The following IPCEF1 variants were observed in gnomAD, a reference collection of about 807,000 sequenced individuals.
IPCEF1 encodes the protein interaction protein for cytohesin exchange factors 1.
IPCEF1 carries 31 observed loss-of-function variants against 50.9 expected under a neutral mutation model. The observed-to-expected ratio is 0.61, with a 90% confidence interval of 0.46 to 0.82. The LOEUF is 0.82. IPCEF1 is among the 40% of genes least tolerant of loss of function. The probability of loss-of-function intolerance (pLI) is 0.00; values close to 1 mark genes in which losing one functional copy is unlikely to be tolerated. For synonymous variants in IPCEF1, 181 were observed against 192.0 expected (o/e 0.94, Z 0.47); for missense variants, 458 against 514.0 (o/e 0.89, Z 1.05).
chr6:154,328,853 A>G (rs1176015418), intron 1 of IPCEF1, among the ~76,000 whole-genome samples: 2 of 152,318 alleles, frequency 1.3e-5, no homozygotes, highest in East Asian at 3.9e-4. Flanking sequence ...GAAGCATTCG[A>G]TGTTATTGCT....
At chr6:154,277,356 T>C (rs759831722) in intron 2 of IPCEF1, among the ~76,000 whole-genome samples, 10 of 152,218 alleles carry the variant, frequency 6.6e-5, no homozygotes, top group Non-Finnish European at 1.5e-4. Context: ...CCATCCCAAA[T>C]TGAGATATTT....
intron 8 of IPCEF1, 95 bp downstream of exon 8, chr6:154,214,123 C>A: frequency 1.2e-6 from 1 of 824,178 alleles, no homozygotes; most frequent in South Asian, 1.4e-5. Flanking sequence ...TCCTCAGGAT[C>A]AGACTATACA....
chr6:154,240,110 C>G (rs912215915), intron 5 of IPCEF1, among the ~76,000 whole-genome samples: 1 of 152,206 alleles, frequency 6.6e-6, no homozygotes, highest in African/African-American at 2.4e-5. Flanking sequence ...GCCCATAATT[C>G]TCATTTTGGT....
rs776647715 is a variant in IPCEF1, at chr6:154,247,488, G to A, written c.37C>T (p.Gln13Ter). 6.2e-7 allele frequency: 1 copy of A among 1,611,282 alleles called. No homozygotes were observed. The change falls in exon 4 of 12, where the codon CAG becomes TAG. Residue 13 changes from glutamine (Q) to a stop codon, truncating the protein, a stop_gained and splice_region_variant. Coordinates refer to ENST00000367220, the MANE Select transcript of IPCEF1 (RefSeq NM_001130700.2). LOFTEE classifies it high-confidence loss of function. ...CTGGGCTTCTGACGCAAGGGAACCTGCTGAAAATGCAGGAAGGAAAGAAAA... is the reference window on the plus strand; with the variant it reads ...CTGGGCTTCTGACGCAAGGGAACCTACTGAAAATGCAGGAAGGAAAGAAAA... ...SYMAIDGSAL[Q>*]VPLRQKPRRK... is the part of the protein sequence containing the mutation.
chr6:154,316,883 T>C (rs565035559), intron 1 of IPCEF1, among the ~76,000 whole-genome samples: 2 of 152,314 alleles, frequency 1.3e-5, no homozygotes, highest in South Asian at 2.1e-4. Flanking sequence ...TACAATTTTC[T>C]CAATTAAAAT....
intron 8 of IPCEF1, 79 bp downstream of exon 8, chr6:154,214,139 C>T (rs538962810): frequency 2.1e-6 from 2 of 931,464 alleles, no homozygotes; most frequent in African/African-American, 1.6e-5. Flanking sequence ...ATACATAGAA[C>T]TTGACATTGT....
chr6:154,332,170 T>A (rs1164363693), intron 1 of IPCEF1, among the ~76,000 whole-genome samples: 1 of 152,134 alleles, frequency 6.6e-6, no homozygotes, highest in Non-Finnish European at 1.5e-5. Context: ...CCGCCATAAT[T>A]TTTATTAAGT....
At chr6:154,193,193 A>T (rs1802088061) in intron 10 of IPCEF1, among the ~76,000 whole-genome samples, 1 of 152,226 alleles carries the variant, frequency 6.6e-6, no homozygotes, top group African/African-American at 2.4e-5. Flanking sequence ...AGCCATAAAA[A>T]GGAACGAAAT....
At chr6:154,322,566 G>A (rs1233308798) in intron 1 of IPCEF1, among the ~76,000 whole-genome samples, 13 of 152,110 alleles carry the variant, frequency 8.5e-5, no homozygotes, top group Admixed American at 8.5e-4. Context: ...GGCCAGGCGT[G>A]TTGGCTCACA....
intron 1 of IPCEF1, among the ~76,000 whole-genome samples, chr6:154,342,770 C>T (rs971449571): frequency 1.4e-4 from 21 of 152,066 alleles, no homozygotes; most frequent in African/African-American, 4.6e-4. Context: ...CCTCCTTCCC[C>T]GTTTAAGGAA....
chr6:154,250,500 A>C (rs1273894277), intron 3 of IPCEF1, among the ~76,000 whole-genome samples: 1 of 152,250 alleles, frequency 6.6e-6, no homozygotes, highest in Non-Finnish European at 1.5e-5. Context: ...TTTTCATTGA[A>C]GAAGTGTATT....
chr6:154,237,105 C>A (rs1583873799), intron 5 of IPCEF1, among the ~76,000 whole-genome samples: 1 of 152,154 alleles, frequency 6.6e-6, no homozygotes, highest in African/African-American at 2.4e-5. Context: ...GTAGAAGAAG[C>A]AGCTGGAACC....
At chr6:154,240,656 C>A (rs1373913391) in intron 5 of IPCEF1, among the ~76,000 whole-genome samples, 1 of 152,200 alleles carries the variant, frequency 6.6e-6, no homozygotes, top group Non-Finnish European at 1.5e-5. Context: ...TAGATCTTCA[C>A]TATAGAGATT....
rs374542657 is a variant in IPCEF1, at chr6:154,292,436, C to T, written c.-61-2680G>A. 5.3e-5 allele frequency among the ~76,000 whole-genome samples: 8 copies of T among 152,242 alleles called. No individual in the cohort carries two copies. The East Asian group carries it at 5.8e-4, about 11-fold the overall frequency. ...GATATGGATTAATTTATGAAATTTG[C>T]GCTACAATCGCATGAGGTAGGTTTT... is the stretch of plus-strand genomic sequence containing the variant. On this transcript the variant is annotated intron_variant, in intron 1 of 11. Transcript: ENST00000367220.
chr6:154,310,820 G>A (rs1419742905), intron 1 of IPCEF1, among the ~76,000 whole-genome samples: 2 of 151,670 alleles, frequency 1.3e-5, no homozygotes, highest in Non-Finnish European at 2.9e-5. Context: ...GAAAAAGAGA[G>A]TAGAAAGGGG....
chr6:154,247,616 A>G (rs1781166019), intron 3 of IPCEF1, 128 bp from the exon 4 acceptor site: 2 of 684,756 alleles, frequency 2.9e-6, no homozygotes, highest in East Asian at 5.4e-5. Context: ...CTCTCCAGGC[A>G]GAGCTTAACG....
intron 7 of IPCEF1, among the ~76,000 whole-genome samples, chr6:154,219,985 AGTGTGTGTGTGTGTGTGTGT>A (rs57450665): frequency 1.6e-4 from 23 of 140,136 alleles, no homozygotes; most frequent in East Asian, 1.1e-3. Context: ...ACCTGTAAGG[AGTGTGTGTGTGTGTGTGTGT>A]GTGTGTGTGT....
chr6:154,236,465 T>C (rs976674949), intron 5 of IPCEF1, among the ~76,000 whole-genome samples: 1 of 152,142 alleles, frequency 6.6e-6, no homozygotes, highest in South Asian at 2.1e-4. Flanking sequence ...GTTCTGGAGA[T>C]GGATGATGCT....
intron 1 of IPCEF1, among the ~76,000 whole-genome samples, chr6:154,355,494 CTT>C (rs34384205): frequency 2.5e-4 from 17 of 69,108 alleles, no homozygotes; most frequent in Middle Eastern, 7.4e-3. Context: ...TTCTTTCTTT[CTT>C]TTTTTTTTTT....
Sources: allele counts gnomAD v4.1 joint callset (sites outside exome capture counted in the v4.1 genomes callset), GRCh38; gene constraint gnomAD v4.1.1; transcripts MANE v1.5; gene names NCBI Gene and HGNC (gene_info 2026-07-23, HGNC 2026-07-21).